ABI2: variants seen among roughly 807,000 people sequenced by gnomAD.
The protein encoded by ABI2 is abelson interactor 2.
ABI2 carries 25 observed loss-of-function variants against 59.2 expected under a neutral mutation model. The ratio of observed to expected loss-of-function variants is 0.42; its 90% confidence interval spans 0.31 to 0.59. The LOEUF (loss-of-function observed/expected upper bound fraction) is 0.59, where lower values mean the gene tolerates loss of function less well. Ranked by LOEUF, ABI2 falls within the 20% of genes least tolerant of loss-of-function variation. The pLI is 0.14. For synonymous variants in ABI2, 213 were observed against 235.5 expected (o/e 0.90, Z 0.87); for missense variants, 545 against 681.8 (o/e 0.80, Z 2.23).
intron 4 of ABI2, among the ~76,000 whole-genome samples, chr2:203,388,320 TC>T (rs1276648407): frequency 2.0e-5 from 3 of 152,122 alleles, no homozygotes; most frequent in African/African-American, 2.4e-5. Context: ...AGTCATCCAA[TC>T]CCATTAACCA....
intron 1 of ABI2, among the ~76,000 whole-genome samples, chr2:203,330,656 G>A (rs2072649611): frequency 6.6e-6 from 1 of 152,204 alleles, no homozygotes. Flanking sequence ...TAATTCCATT[G>A]CCTTGTGCAG....
At chr2:203,382,231 C>A (rs771150537) in intron 4 of ABI2, 25 bp downstream of exon 4, 363 of 1,522,980 alleles carry the variant, frequency 2.4e-4, no homozygotes, top group Non-Finnish European at 3.1e-4. Context: ...GGCTGGATTT[C>A]CATTCTTTGT....
intron 2 of ABI2, among the ~76,000 whole-genome samples, chr2:203,379,218 C>T (rs1022209829): frequency 5.3e-5 from 8 of 152,160 alleles, no homozygotes; most frequent in African/African-American, 1.7e-4. Flanking sequence ...GCAGCTTTGC[C>T]CAAGCAACTT....
intron 11 of ABI2, among the ~76,000 whole-genome samples, chr2:203,424,979 T>C (rs2098379634): frequency 6.6e-6 from 1 of 151,122 alleles, no homozygotes; most frequent in Non-Finnish European, 1.5e-5. Flanking sequence ...CTCAGGTGAT[T>C]CTCCCAAGTA....
rs1251878910 is a variant in ABI2, at chr2:203,431,881, G to T, written c.*4529G>T. The T allele has an allele frequency of 2.0e-5, 3 of 152,066 alleles. No homozygotes were observed. Among genetic ancestry groups the T allele is most frequent in the Non-Finnish European group, 4.4e-5 (3 of 68,004 alleles). 9.4% of individuals were successfully genotyped at this position (152,066 alleles called of 1,614,324 possible). On this transcript the variant is annotated 3_prime_UTR_variant, in exon 12 of 12. Coordinates refer to ENST00000261018, the MANE Select transcript of ABI2 (RefSeq NM_001375670.1). Reference sequence around the variant, plus strand: ...GGAAAAGCAGTTTTTATCATATTTTGTGTCCATGCACCATTTTTCTTAAAA... The same window carrying T: ...GGAAAAGCAGTTTTTATCATATTTTTTGTCCATGCACCATTTTTCTTAAAA...
At chr2:203,357,323 G>A (rs2092381452) in intron 1 of ABI2, among the ~76,000 whole-genome samples, 1 of 152,148 alleles carries the variant, frequency 6.6e-6, no homozygotes, top group African/African-American at 2.4e-5. Flanking sequence ...GATAGTAGCA[G>A]AGCTAGAACA....
At chr2:203,384,290 G>GTTTTTT (rs796117154) in intron 4 of ABI2, among the ~76,000 whole-genome samples, 8 of 26,108 alleles carry the variant, frequency 3.1e-4, no homozygotes, top group African/African-American at 9.5e-4. Context: ...TTTTGTTTTT[G>GTTTTTT]TTTTTTTTTT....
At position 203,380,325 on chromosome 2, in the gene ABI2, C is replaced by T; in HGVS notation, c.403C>T (p.Arg135Cys). The T allele has an allele frequency of 6.2e-7, 1 of 1,603,662 alleles. No individual in the cohort carries two copies. The highest frequency in any genetic ancestry group is 1.1e-5 in the South Asian group (1 of 89,024). ...IAPANLERPVRYIRKPIDYTI... is the reference protein window; with the variant it reads ...IAPANLERPVCYIRKPIDYTI... ...TCCAGCCAACCTTGAACGACCAGTT[C>T]GTTATATTAGAAAACCTATTGACTA... The change falls in exon 3 of 12, where the codon CGT (arginine) becomes TGT (cysteine). Residue 135 changes from arginine (R) to cysteine (C), a missense_variant. This residue lies in a region of ABI2 where 410 missense variants were observed against 435.6 expected (regional missense o/e 0.94). Transcript: ENST00000261018.
Position 203,427,345 on chromosome 2 carries a change from C to G in ABI2, c.1622C>G (p.Ser541Cys), listed in dbSNP as rs2098448515. Residue 541 changes from serine to cysteine, a missense_variant, in exon 12 of 12, where the codon TCT becomes TGT. Ser to Cys is a moderately radical substitution (Grantham distance 112, BLOSUM62 -1). Transcript: ENST00000261018. The part of the protein sequence containing the change: ...GNYVESIMHY[S>C]E ...TACGTTGAGTCTATCATGCATTATT[C>G]TGAGTAAAGCTCAGCAGGGCTGTGC... 6.2e-7 allele frequency: 1 copy of G among 1,613,364 alleles called. No homozygotes were observed. The highest frequency in any genetic ancestry group is 1.1e-5 in the South Asian group (1 of 90,914).
intron 11 of ABI2, among the ~76,000 whole-genome samples, chr2:203,417,508 G>A (rs1004413453): frequency 6.6e-6 from 1 of 152,190 alleles, no homozygotes; most frequent in Non-Finnish European, 1.5e-5. Flanking sequence ...TCTTTGCCAA[G>A]TAATATTGGG....
At chr2:203,425,585 A>G (rs1253120371) in intron 11 of ABI2, among the ~76,000 whole-genome samples, 1 of 152,236 alleles carries the variant, frequency 6.6e-6, no homozygotes, top group Non-Finnish European at 1.5e-5. Flanking sequence ...GAAATGCTAA[A>G]TATTCTAAAT....
At chr2:203,402,124 T>TTGAA (rs2097249874) in intron 8 of ABI2, among the ~76,000 whole-genome samples, 2 of 152,156 alleles carry the variant, frequency 1.3e-5, no homozygotes, top group Non-Finnish European at 2.9e-5. Flanking sequence ...AACCTCTGCC[T>TTGAA]CCTGAGTTCA....
rs2098485652 is a variant in ABI2 at position 203,431,777 on chromosome 2, G to T, written c.*4425G>T. The T allele has an allele frequency of 6.6e-6, 1 of 150,882 alleles. No homozygotes were observed. Among genetic ancestry groups the T allele is most frequent in the South Asian group, 2.1e-4 (1 of 4,776 alleles). 9.3% of individuals were successfully genotyped at this position (150,882 alleles called of 1,614,324 possible). A position where few individuals can be genotyped will look rare whatever the true frequency, so the allele number is the denominator to read the frequency against. ...CTTGCTGAATATCTTAAGGTTTTTT[G>T]TAAGAAAAAAGAAAAACCAACAAAA... On this transcript the variant is annotated 3_prime_UTR_variant, in exon 12 of 12. Coordinates refer to ENST00000261018, the MANE Select transcript of ABI2 (RefSeq NM_001375670.1).
intron 1 of ABI2, among the ~76,000 whole-genome samples, chr2:203,354,084 G>A (rs759526625): frequency 8.5e-5 from 13 of 152,092 alleles, no homozygotes; most frequent in South Asian, 2.1e-4. Context: ...TGACTCTGTC[G>A]CCCAGGTTGG....
At chr2:203,417,976 A>C (rs1002957576) in intron 11 of ABI2, among the ~76,000 whole-genome samples, 1 of 152,236 alleles carries the variant, frequency 6.6e-6, no homozygotes, top group African/African-American at 2.4e-5. Context: ...AGAGAGAGAG[A>C]GAAAGAGAAA....
intron 1 of ABI2, among the ~76,000 whole-genome samples, chr2:203,333,294 T>A (rs1356368593): frequency 1.3e-5 from 2 of 152,248 alleles, no homozygotes; most frequent in Non-Finnish European, 2.9e-5. Flanking sequence ...AAATATTTTT[T>A]GTATGCACAA....
At chr2:203,402,175 C>G (rs2097252682) in intron 8 of ABI2, among the ~76,000 whole-genome samples, 2 of 152,112 alleles carry the variant, frequency 1.3e-5, no homozygotes, top group Admixed American at 6.5e-5. Flanking sequence ...GCTGGAATTA[C>G]AGGCGCACGC....
intron 1 of ABI2, among the ~76,000 whole-genome samples, chr2:203,343,935 G>A (rs1216660672): frequency 6.6e-6 from 1 of 151,666 alleles, no homozygotes; most frequent in Non-Finnish European, 1.5e-5. Context: ...TTTGAGACTA[G>A]CCTTGGCAAA....
chr2:203,411,138 C>T (rs2097657424), intron 9 of ABI2, 147 bp from the exon 10 acceptor site: 3 of 701,600 alleles, frequency 4.3e-6, no homozygotes, highest in East Asian at 2.8e-5. Context: ...ATGAGTTGTC[C>T]CTCAACAGGG....
Sources: allele counts gnomAD v4.1 joint callset (sites outside exome capture counted in the v4.1 genomes callset), GRCh38; gene constraint gnomAD v4.1.1; regional missense constraint gnomAD v4.1.1; transcripts MANE v1.5; gene names NCBI Gene and HGNC (gene_info 2026-07-23, HGNC 2026-07-21).